Variants in RARB observed in about 807,000 individuals in gnomAD.
RARB encodes HBV-activated protein.
RARB carries 17 observed loss-of-function variants against 51.9 expected under a neutral mutation model. That is an observed-to-expected ratio of 0.33 (90% CI 0.22 to 0.49). The LOEUF is 0.49. RARB is among the 20% of genes least tolerant of loss of function. The pLI is 0.99. For missense variants in RARB, 369 were observed against 550.8 expected (o/e 0.67, Z 3.30); for synonymous variants, 215 against 195.4 (o/e 1.10, Z -0.84).
intron 3 of RARB, among the ~76,000 whole-genome samples, chr3:25,559,134 T>C (rs1442249196): frequency 6.6e-6 from 1 of 152,150 alleles, no homozygotes; most frequent in Admixed American, 6.6e-5. Flanking sequence ...TTCCATCATG[T>C]AGCCACGTTT....
chr3:25,345,718 A>G (rs1201416948), intron 5 of RARB, among the ~76,000 whole-genome samples: 2 of 151,868 alleles, frequency 1.3e-5, no homozygotes, highest in African/African-American at 4.8e-5. Context: ...AGTGGAATTT[A>G]GGAAAAGCTA....
intron 2 of RARB, among the ~76,000 whole-genome samples, chr3:25,045,070 T>C (rs1377118137): frequency 6.6e-6 from 1 of 152,178 alleles, no homozygotes; most frequent in Admixed American, 6.5e-5. Flanking sequence ...TTTAGTTTGG[T>C]TATTTCAGTG....
intron 3 of RARB, among the ~76,000 whole-genome samples, chr3:25,527,375 C>G (rs1698700610): frequency 6.6e-6 from 1 of 152,228 alleles, no homozygotes; most frequent in African/African-American, 2.4e-5. Context: ...GGAGACCTAG[C>G]TGGCGAGGCC....
intron 4 of RARB, among the ~76,000 whole-genome samples, chr3:25,146,661 C>T (rs987575184): frequency 4.0e-5 from 6 of 151,076 alleles, no homozygotes; most frequent in African/African-American, 7.3e-5. Context: ...CCTGCCACCG[C>T]GCCCGGCTAA....
intron 5 of RARB, among the ~76,000 whole-genome samples, chr3:25,352,050 G>C (rs1705589404): frequency 6.6e-6 from 1 of 152,166 alleles, no homozygotes; most frequent in Non-Finnish European, 1.5e-5. Flanking sequence ...ACTGCTCCAA[G>C]GCACTGTCCC....
intron 2 of RARB, among the ~76,000 whole-genome samples, chr3:25,059,560 A>G (rs1257430334): frequency 6.6e-6 from 1 of 151,822 alleles, no homozygotes; most frequent in Non-Finnish European, 1.5e-5. Flanking sequence ...TACGTATTTA[A>G]TGATGCTTTA....
At chr3:25,066,103 A>G (rs1336855448) in intron 3 of RARB, among the ~76,000 whole-genome samples, 1 of 152,160 alleles carries the variant, frequency 6.6e-6, no homozygotes, top group East Asian at 1.9e-4. Context: ...TATTACTGTG[A>G]TGTCTAAAGA....
At chr3:25,448,631 C>A (rs1264013141) in intron 1 of RARB, among the ~76,000 whole-genome samples, 1 of 152,086 alleles carries the variant, frequency 6.6e-6, no homozygotes, top group Non-Finnish European at 1.5e-5. Flanking sequence ...CCACACCCAG[C>A]TAATTTTGTA....
intron 1 of RARB, among the ~76,000 whole-genome samples, chr3:24,844,264 A>T (rs916975892): frequency 2.6e-5 from 4 of 152,212 alleles, no homozygotes; most frequent in Admixed American, 6.5e-5. Context: ...TGCAGCCAGA[A>T]CAAAGGCCTG....
intron 5 of RARB, among the ~76,000 whole-genome samples, chr3:25,234,350 T>G (rs1330083176): frequency 6.6e-6 from 1 of 152,138 alleles, no homozygotes; most frequent in Non-Finnish European, 1.5e-5. Context: ...GTCTGTAGAG[T>G]CTGTAGTGAT....
At chr3:25,488,479 C>A (rs532591723) in intron 2 of RARB, among the ~76,000 whole-genome samples, 45 of 152,226 alleles carry the variant, frequency 3.0e-4, no homozygotes, top group African/African-American at 1.0e-3. Context: ...GGGTAAATGA[C>A]GTTCCATGGA....
rs117496899 is a variant in RARB at position 25,415,197 on chromosome 3, A to G, written c.179-45996A>G. Among the ~76,000 whole-genome samples the G allele has an allele frequency of 1.2e-3, 182 of 152,278 alleles. 3 individuals carry two copies. The highest frequency in any genetic ancestry group is 6.7e-3 in the Admixed American group (102 of 15,302). ...AGTCTTCCAAAGAATAGAAGTTGTA[A>G]ATTATAATGAAGTTCTAATTATTTT... On this transcript the variant is annotated intron_variant, in intron 5 of 11. Coordinates refer to the RARB transcript ENST00000383772.
intron 2 of RARB, among the ~76,000 whole-genome samples, chr3:24,886,411 G>A (rs1703266516): frequency 6.6e-6 from 1 of 150,844 alleles, no homozygotes; most frequent in African/African-American, 2.4e-5. Context: ...GTTTCATGAT[G>A]CCCTGACCTC....
At chr3:24,882,595 C>G (rs745477724) in intron 2 of RARB, among the ~76,000 whole-genome samples, 1 of 152,172 alleles carries the variant, frequency 6.6e-6, no homozygotes, top group Non-Finnish European at 1.5e-5. Flanking sequence ...TCCATTTCAA[C>G]TTCAATATTT....
intron 5 of RARB, among the ~76,000 whole-genome samples, chr3:25,314,588 C>G (rs182731295): frequency 6.6e-6 from 1 of 152,188 alleles, no homozygotes; most frequent in African/African-American, 2.4e-5. Context: ...TTACTACAGT[C>G]CATTCTAACA....
intron 4 of RARB, among the ~76,000 whole-genome samples, chr3:25,170,456 C>T (rs976767555): frequency 6.6e-6 from 1 of 152,108 alleles, no homozygotes; most frequent in African/African-American, 2.4e-5. Context: ...CCGGTGGGGC[C>T]TGGAGAATTT....
intron 5 of RARB, among the ~76,000 whole-genome samples, chr3:25,277,862 G>A (rs1703431540): frequency 6.6e-6 from 1 of 152,146 alleles, no homozygotes; most frequent in Non-Finnish European, 1.5e-5. Context: ...TACCTCAGAA[G>A]ACCATATACC....
At chr3:25,063,822 GGTAGCTCCTCTTA>G (rs1342702318) in intron 3 of RARB, among the ~76,000 whole-genome samples, 1 of 151,762 alleles carries the variant, frequency 6.6e-6, no homozygotes, top group Non-Finnish European at 1.5e-5. Flanking sequence ...GAAAAGCACT[GGTAGCTCCTCTTA>G]GTCCATATCA....
chr3:25,367,123 T>C (rs1261555359), intron 5 of RARB, among the ~76,000 whole-genome samples: 1 of 152,148 alleles, frequency 6.6e-6, no homozygotes, highest in Non-Finnish European at 1.5e-5. Flanking sequence ...AAAGATTCTC[T>C]CCAGTATTTC....
Sources: allele counts gnomAD v4.1 joint callset (sites outside exome capture counted in the v4.1 genomes callset), GRCh38; gene constraint gnomAD v4.1.1; transcripts MANE v1.5; gene names NCBI Gene and HGNC (gene_info 2026-07-23, HGNC 2026-07-21).